The following PTPRK variants were observed in gnomAD, a reference collection of about 807,000 sequenced individuals.
PTPRK encodes receptor-type tyrosine-protein phosphatase kappa.
Under a neutral mutation model 178.0 loss-of-function variants are expected in PTPRK, and 75 were observed. That is an observed-to-expected ratio of 0.42 (90% confidence interval 0.35 to 0.51). The LOEUF is 0.51. Ranked by LOEUF, PTPRK falls within the 20% of genes least tolerant of loss-of-function variation. The pLI, the probability that PTPRK is intolerant of heterozygous loss-of-function variation, is 0.02. For missense variants in PTPRK, 1,441 were observed against 1,797.8 expected (o/e 0.80, Z 3.59); for synonymous variants, 637 against 620.6 (o/e 1.03, Z -0.39).
At chr6:128,270,032 G>A (rs1185124542) in intron 3 of PTPRK, among the ~76,000 whole-genome samples, 3 of 152,004 alleles carry the variant, frequency 2.0e-5, no homozygotes, top group South Asian at 4.1e-4. Context: ...CCTGCTAGTC[G>A]ATTATCCTTA....
Position 128,054,632 on chromosome 6 carries a change from C to A in PTPRK, c.2194+10126G>T, listed in dbSNP as rs549415349. On this transcript the variant is annotated intron_variant, in intron 13 of 29. Coordinates refer to ENST00000368226, the MANE Select transcript of PTPRK (RefSeq NM_002844.4). Reference sequence around the variant, plus strand: ...AATGCTATTTGCAGTGGGACACAAGCATTGCTCACTACACTTTTCCAGCCA... The same window carrying A: ...AATGCTATTTGCAGTGGGACACAAGAATTGCTCACTACACTTTTCCAGCCA... Among the ~76,000 whole-genome samples the A allele has an allele frequency of 6.6e-5, 10 of 151,988 alleles. No individual in the cohort carries two copies. The South Asian group carries it at 8.3e-4, about 13-fold the overall frequency.
intron 1 of PTPRK, among the ~76,000 whole-genome samples, 187 bp from the exon 2 acceptor site, chr6:128,397,875 G>A (rs1014975732): frequency 2.6e-5 from 4 of 152,074 alleles, no homozygotes; most frequent in African/African-American, 9.7e-5. Context: ...AGTACTTTCT[G>A]TTTGAAAAAG....
chr6:128,468,551 A>G (rs959947479), intron 1 of PTPRK, among the ~76,000 whole-genome samples: 2 of 152,162 alleles, frequency 1.3e-5, no homozygotes, highest in African/African-American at 4.8e-5. Context: ...GTTAAATATT[A>G]TCTTTGATAT....
chr6:127,998,043 T>C (rs759650691), intron 16 of PTPRK, among the ~76,000 whole-genome samples: 14 of 152,122 alleles, frequency 9.2e-5, no homozygotes, highest in Non-Finnish European at 1.6e-4. Flanking sequence ...AAGGAACTAT[T>C]TTCCTTTTGC....
intron 13 of PTPRK, among the ~76,000 whole-genome samples, chr6:128,012,293 G>A (rs1483763593): frequency 5.3e-5 from 8 of 151,006 alleles, no homozygotes; most frequent in Admixed American, 1.3e-4. Context: ...TGCTATAACC[G>A]AGGAACATAA....
chr6:128,115,533 G>A (rs963093661), intron 7 of PTPRK, among the ~76,000 whole-genome samples: 9 of 151,850 alleles, frequency 5.9e-5, no homozygotes, highest in African/African-American at 1.7e-4. Context: ...GGAAGCAAGT[G>A]GTATATAATA....
At chr6:127,997,910 A>G (rs1427585199) in intron 16 of PTPRK, among the ~76,000 whole-genome samples, 1 of 152,118 alleles carries the variant, frequency 6.6e-6, no homozygotes, top group Admixed American at 6.6e-5. Flanking sequence ...TGGCCTTTTC[A>G]AAGCAAAATA....
intron 14 of PTPRK, chr6:128,006,180 T>A: frequency 1.4e-6 from 1 of 698,374 alleles, no homozygotes; most frequent in Non-Finnish European, 2.1e-6. Flanking sequence ...ATAAAATTCA[T>A]GTTTTTTTTG....
chr6:127,969,962 A>G lies in PTPRK; in HGVS notation c.*265T>C, dbSNP rs991482848. ...TGGCATGTTCACTGTACAAACACCAATACGTTCTCATTTCAATCTGGTTCT... is the reference window on the plus strand; with the variant it reads ...TGGCATGTTCACTGTACAAACACCAGTACGTTCTCATTTCAATCTGGTTCT... On this transcript the variant is annotated 3_prime_UTR_variant, in exon 30 of 30. Coordinates refer to ENST00000368226, the MANE Select transcript of PTPRK (RefSeq NM_002844.4). 1.5e-5 allele frequency: 5 copies of G among 343,830 alleles called. No individual in the cohort carries two copies. The highest frequency in any genetic ancestry group is 4.8e-5 in the Admixed American group (1 of 20,972). The allele number at this position is 343,830 out of a possible 1,614,324, so 21.3% of individuals were successfully genotyped here. A position where few individuals can be genotyped will look rare whatever the true frequency, so the allele number is the denominator to read the frequency against.
At chr6:128,279,315 T>C (rs1245788703) in intron 3 of PTPRK, among the ~76,000 whole-genome samples, 2 of 152,046 alleles carry the variant, frequency 1.3e-5, no homozygotes, top group East Asian at 3.9e-4. Context: ...AAAATTAACA[T>C]AAGTCAGCCC....
intron 2 of PTPRK, among the ~76,000 whole-genome samples, chr6:128,367,018 G>A (rs972416732): frequency 6.6e-6 from 1 of 152,080 alleles, no homozygotes; most frequent in African/African-American, 2.4e-5. Context: ...ATGCTCAGCA[G>A]CCCCAGCACT....
chr6:128,251,185 T>C (rs1232862536), intron 3 of PTPRK, among the ~76,000 whole-genome samples: 1 of 152,204 alleles, frequency 6.6e-6, no homozygotes, highest in Non-Finnish European at 1.5e-5. Context: ...CACAAAAAGA[T>C]ACATAGATAA....
At chr6:128,450,035 G>T (rs1584774171) in intron 1 of PTPRK, among the ~76,000 whole-genome samples, 1 of 151,542 alleles carries the variant, frequency 6.6e-6, no homozygotes, top group African/African-American at 2.4e-5. Flanking sequence ...TTGAACCCAG[G>T]TTGGGGGCGG....
At chr6:128,503,403 C>T (rs925408608) in intron 1 of PTPRK, among the ~76,000 whole-genome samples, 34 of 152,186 alleles carry the variant, frequency 2.2e-4, no homozygotes, top group Admixed American at 4.6e-4. Context: ...AGTGACTGTA[C>T]TTTCTCCACG....
intron 1 of PTPRK, among the ~76,000 whole-genome samples, chr6:128,434,391 A>C (rs930049515): frequency 3.9e-5 from 6 of 152,174 alleles, no homozygotes; most frequent in Admixed American, 3.9e-4. Context: ...AATACTTCTG[A>C]ACCTCCCTTT....
At chr6:128,095,898 A>G (rs1787834974) in intron 7 of PTPRK, among the ~76,000 whole-genome samples, 1 of 152,226 alleles carries the variant, frequency 6.6e-6, no homozygotes, top group Admixed American at 6.5e-5. Flanking sequence ...TAACTGTTAA[A>G]TTAAAAATAC....
At chr6:127,996,263 T>C (rs960473610) in intron 17 of PTPRK, among the ~76,000 whole-genome samples, 2 of 152,090 alleles carry the variant, frequency 1.3e-5, no homozygotes, top group Non-Finnish European at 2.9e-5. Context: ...ATATGTTTGA[T>C]GGAAGTGTTA....
Position 128,204,853 on chromosome 6 carries a change from G to A in PTPRK, c.868+14069C>T, listed in dbSNP as rs572224756. On this transcript the variant is annotated intron_variant, in intron 6 of 29. Coordinates refer to ENST00000368226, the MANE Select transcript of PTPRK (RefSeq NM_002844.4). ...GCTCAACCCTTGCGGAAGACAGTGT[G>A]GCAATTCCTCAGAGACCTAGAGGCA... Among the ~76,000 whole-genome samples the A allele has an allele frequency of 2.0e-5, 3 of 152,270 alleles. No homozygotes were observed. In the South Asian group the frequency reaches 6.2e-4, roughly 32 times the overall value.
At chr6:128,186,411 C>A (rs888043908) in intron 6 of PTPRK, among the ~76,000 whole-genome samples, 2 of 151,848 alleles carry the variant, frequency 1.3e-5, no homozygotes, top group Non-Finnish European at 2.9e-5. Context: ...AAAACAAAAA[C>A]AAAACTAAGA....
Sources: gnomAD v4.1 joint callset for allele counts (sites outside exome capture counted in the v4.1 genomes callset) on GRCh38, gnomAD v4.1.1 for gene constraint, MANE v1.5 for transcripts, NCBI Gene and HGNC (gene_info 2026-07-23, HGNC 2026-07-21) for gene names.